The following AQR variants were observed in gnomAD, a reference collection of about 807,000 sequenced individuals.
AQR encodes aquarius intron-binding spliceosomal factor, also known as RNA helicase aquarius.
A neutral mutation model predicts 180.5 loss-of-function variants in AQR; 61 were observed. That is an observed-to-expected ratio of 0.34 (90% CI 0.28 to 0.42). The LOEUF is 0.42. Ranked by LOEUF, AQR falls within the 10% of genes least tolerant of loss-of-function variation. The pLI is 1.00. For synonymous variants in AQR, 551 were observed against 588.8 expected, an observed-to-expected ratio of 0.94 and a Z score of 0.93; for missense variants, 1,281 against 1,798.3, an observed-to-expected ratio of 0.71 and a Z score of 5.20.
chr15:34,927,108 A>C lies in AQR; in HGVS notation c.1045T>G (p.Tyr349Asp). Residue 349 changes from tyrosine to aspartate, a missense_variant, in exon 13 of 35, where the codon TAT becomes GAT. This residue lies in a region of AQR where 404 missense variants were observed against 490.9 expected (regional missense o/e 0.82). Coordinates refer to ENST00000156471, the MANE Select transcript of AQR (RefSeq NM_014691.3). The stretch of plus-strand genomic sequence containing the variant: ...GCCACATTTGAGAGGGCAAAATCAT[A>C]GAGTTCAGGAAAATGTGCAAAAGCA... ...RAAFAHFPEL[Y>D]DFALSNVAEV... The C allele has an allele frequency of 2.5e-6, 4 of 1,592,846 alleles. No individual in the cohort carries two copies. The highest frequency in any genetic ancestry group is 3.4e-6 in the Non-Finnish European group (4 of 1,169,280).
At chr15:34,898,080 G>A (rs1463141014) in intron 20 of AQR, among the ~76,000 whole-genome samples, 1 of 152,204 alleles carries the variant, frequency 6.6e-6, no homozygotes, top group Admixed American at 6.5e-5. Flanking sequence ...AAGACGGGAA[G>A]AGAAGACATT....
chr15:34,870,967 T>G, intron 30 of AQR, 45 bp from the exon 31 acceptor site: 3 of 1,570,040 alleles, frequency 1.9e-6, no homozygotes, highest in Non-Finnish European at 2.6e-6. Flanking sequence ...TTGCTTTTGT[T>G]TCAATTTTAT....
chr15:34,948,443 TA>T (rs1894162265), intron 4 of AQR, 59 bp from the exon 5 acceptor site: 1 of 1,538,164 alleles, frequency 6.5e-7, no homozygotes, highest in Non-Finnish European at 8.7e-7. Context: ...CTGTAATACA[TA>T]ACTCACCCAG....
chr15:34,906,509 A>G (rs770813652), intron 18 of AQR, 36 bp downstream of exon 18: 6 of 1,609,980 alleles, frequency 3.7e-6, no homozygotes, highest in Non-Finnish European at 5.1e-6. Flanking sequence ...TTATCATTCT[A>G]TACACATACT....
intron 13 of AQR, among the ~76,000 whole-genome samples, chr15:34,921,386 A>T (rs1459174518): frequency 6.8e-6 from 1 of 147,242 alleles, no homozygotes; most frequent in Non-Finnish European, 1.5e-5. Context: ...GTGAGCCGAG[A>T]TTGCACCACT....
At chr15:34,896,123 CTCTT>C (rs1468834005) in intron 22 of AQR, among the ~76,000 whole-genome samples, 2 of 152,238 alleles carry the variant, frequency 1.3e-5, no homozygotes, top group Non-Finnish European at 2.9e-5. Flanking sequence ...TGTCAGCAGA[CTCTT>C]TCTGTAAAGA....
At chr15:34,959,687 T>C (rs1481454705) in intron 3 of AQR, among the ~76,000 whole-genome samples, 1 of 152,244 alleles carries the variant, frequency 6.6e-6, no homozygotes, top group East Asian at 1.9e-4. Context: ...ATTCTTCCTT[T>C]TCCTACATCT....
rs996493181 is a variant in AQR, at chr15:34,948,325, T to C, written c.269A>G (p.Tyr90Cys). 5.6e-6 allele frequency: 9 copies of C among 1,613,584 alleles called. No individual in the cohort carries two copies. Among genetic ancestry groups the C allele is most frequent in the Admixed American group, 1.7e-5 (1 of 60,012 alleles). Residue 90 changes from tyrosine to cysteine, a missense_variant, in exon 5 of 35, where the codon TAT becomes TGT. Tyr to Cys is a radical substitution (Grantham distance 194). Transcript: ENST00000156471. Reference protein sequence around the residue: ...NYSPEVSSKAYLMSICCMVNE... With the variant: ...NYSPEVSSKACLMSICCMVNE... ...CACCATACAGCAGATTGACATTAAA[T>C]AGGCCTTGCTAGATACCTCAGGAGA...
intron 15 of AQR, among the ~76,000 whole-genome samples, chr15:34,917,095 T>C (rs554056209): frequency 8.5e-5 from 13 of 152,302 alleles, no homozygotes; most frequent in African/African-American, 1.9e-4. Context: ...AATTTCTTTA[T>C]AGTTTTATCA....
At chr15:34,863,145 G>T in intron 32 of AQR, 104 bp from the exon 33 acceptor site, 2 of 1,067,706 alleles carry the variant, frequency 1.9e-6, no homozygotes, top group Non-Finnish European at 2.6e-6. Context: ...TTAAGCCCTG[G>T]CAATAAAAAG....
chr15:34,913,180 G>A (rs912769248), intron 16 of AQR, among the ~76,000 whole-genome samples: 3 of 152,084 alleles, frequency 2.0e-5, no homozygotes, highest in Admixed American at 6.6e-5. Context: ...GATCCCTCTT[G>A]TCCAGTTGCA....
chr15:34,936,864 T>C (rs550436407), intron 9 of AQR, among the ~76,000 whole-genome samples: 3 of 152,248 alleles, frequency 2.0e-5, no homozygotes, highest in East Asian at 1.9e-4. Flanking sequence ...GTTAGAGATA[T>C]CAATTTTTAT....
At chr15:34,947,200 G>T (rs368512947) in intron 5 of AQR, among the ~76,000 whole-genome samples, 3 of 151,572 alleles carry the variant, frequency 2.0e-5, no homozygotes, top group South Asian at 4.2e-4. Context: ...CCTGTTGATC[G>T]GTGACCTTAC....
rs562842642 is a variant in AQR at position 34,920,668 on chromosome 15, AT to A, written c.1119-235del. 8.7e-4 allele frequency among the ~76,000 whole-genome samples: 133 copies of A among 152,254 alleles called. 3 individuals are homozygous for A. Among genetic ancestry groups the A allele is most frequent in the African/African-American group, 2.9e-3 (122 of 41,560 alleles). On this transcript the variant is annotated intron_variant, in intron 13 of 34. Coordinates refer to ENST00000156471, the MANE Select transcript of AQR (RefSeq NM_014691.3). ...GCAGTCCCCAAGAACACTTTTAAAT[AT>A]TAATACCGGCAGGGCAAGGTGGCTC...
At chr15:34,969,395 T>C in intron 1 of AQR, 144 bp downstream of exon 1, 2 of 874,780 alleles carry the variant, frequency 2.3e-6, no homozygotes, top group South Asian at 2.9e-5. Flanking sequence ...ACGGAGCTGA[T>C]ACTCAGTAAA....
intron 22 of AQR, among the ~76,000 whole-genome samples, chr15:34,895,465 T>C (rs1893230153): frequency 6.6e-6 from 1 of 151,382 alleles, no homozygotes; most frequent in African/African-American, 2.4e-5. Flanking sequence ...TATAAGAAAC[T>C]CACCTCAAAT....
At chr15:34,904,221 G>T in intron 19 of AQR, 115 bp downstream of exon 19, 1 of 623,376 alleles carries the variant, frequency 1.6e-6, no homozygotes, top group Non-Finnish European at 2.5e-6. Flanking sequence ...AAAAATAAAA[G>T]CAGTCATTAT....
At chr15:34,966,626 C>T (rs1363129512) in intron 1 of AQR, among the ~76,000 whole-genome samples, 1 of 152,192 alleles carries the variant, frequency 6.6e-6, no homozygotes, top group Non-Finnish European at 1.5e-5. Flanking sequence ...TTTTATTCCC[C>T]ATGTACTCCC....
At chr15:34,949,730 G>A (rs1436512055) in intron 4 of AQR, among the ~76,000 whole-genome samples, 2 of 151,164 alleles carry the variant, frequency 1.3e-5, no homozygotes, top group Non-Finnish European at 2.9e-5. Context: ...GCCAAAGTGG[G>A]TGGACTGCTT....
Sources: allele counts gnomAD v4.1 joint callset (sites outside exome capture counted in the v4.1 genomes callset), GRCh38; gene constraint gnomAD v4.1.1; regional missense constraint gnomAD v4.1.1; transcripts MANE v1.5; gene names NCBI Gene and HGNC (gene_info 2026-07-23, HGNC 2026-07-21).